ASAP1: variants seen among roughly 807,000 people sequenced by gnomAD.
The protein encoded by ASAP1 is arf-GAP with SH3 domain, ANK repeat and PH domain-containing protein 1.
ASAP1 carries 43 observed loss-of-function variants against 145.2 expected under a neutral mutation model. The observed-to-expected ratio is 0.30, with a 90% CI of 0.23 to 0.38. ASAP1 has a LOEUF of 0.38. Among genes scored for constraint, ASAP1 ranks in the 10% least tolerant of loss-of-function variants. The probability of loss-of-function intolerance (pLI) is 1.00; values close to 1 mark genes in which losing one functional copy is unlikely to be tolerated. For synonymous variants in ASAP1, 546 were observed against 515.5 expected, an observed-to-expected ratio of 1.06 and a Z score of -0.80; for missense variants, 1,018 against 1,355.3, an observed-to-expected ratio of 0.75 and a Z score of 3.91.
At chr8:130,145,431 C>T (rs2097626396) in intron 13 of ASAP1, among the ~76,000 whole-genome samples, 1 of 152,134 alleles carries the variant, frequency 6.6e-6, no homozygotes, top group South Asian at 2.1e-4. Flanking sequence ...GATTCTCCTG[C>T]CTCAGCCTCC....
intron 24 of ASAP1, among the ~76,000 whole-genome samples, chr8:130,105,007 T>C (rs1016433190): frequency 6.6e-6 from 1 of 152,200 alleles, no homozygotes; most frequent in East Asian, 1.9e-4. Context: ...TGGGACAATA[T>C]ACATGAAGAT....
At chr8:130,150,527 A>G (rs993288681) in intron 13 of ASAP1, among the ~76,000 whole-genome samples, 8 of 152,230 alleles carry the variant, frequency 5.3e-5, no homozygotes, top group Non-Finnish European at 1.2e-4. Context: ...GGACTGTTAC[A>G]GCCTCACAAA....
At chr8:130,440,702 A>G (rs2138844217) in intron 1 of ASAP1, among the ~76,000 whole-genome samples, 1 of 150,392 alleles carries the variant, frequency 6.6e-6, no homozygotes. Flanking sequence ...GCCTTCCCTC[A>G]CTCCTTGGAA....
At chr8:130,122,356 C>T (rs1209597744) in intron 18 of ASAP1, among the ~76,000 whole-genome samples, 1 of 152,176 alleles carries the variant, frequency 6.6e-6, no homozygotes, top group African/African-American at 2.4e-5. Context: ...ATTTGATCAA[C>T]AACTAAATGA....
intron 1 of ASAP1, among the ~76,000 whole-genome samples, chr8:130,404,378 T>C (rs1015529636): frequency 6.6e-6 from 1 of 152,186 alleles, no homozygotes; most frequent in East Asian, 1.9e-4. Context: ...TGAAGAACAA[T>C]GTTGGACTTC....
intron 2 of ASAP1, among the ~76,000 whole-genome samples, chr8:130,381,161 C>T (rs1827749512): frequency 6.6e-6 from 1 of 152,102 alleles, no homozygotes; most frequent in Non-Finnish European, 1.5e-5. Context: ...GTTGGGATTA[C>T]AGGGATGAGC....
intron 8 of ASAP1, among the ~76,000 whole-genome samples, chr8:130,180,031 G>C (rs775254769): frequency 6.7e-6 from 1 of 148,726 alleles, no homozygotes; most frequent in Non-Finnish European, 1.5e-5. Context: ...AGAAAGGAGA[G>C]GGAGGGAAGG....
At chr8:130,294,525 A>G (rs1822141457) in intron 3 of ASAP1, among the ~76,000 whole-genome samples, 1 of 152,240 alleles carries the variant, frequency 6.6e-6, no homozygotes, top group Non-Finnish European at 1.5e-5. Flanking sequence ...CTGCACCTAC[A>G]CAATGGGGAC....
At chr8:130,218,126 C>T (rs1049082587) in intron 4 of ASAP1, among the ~76,000 whole-genome samples, 1 of 151,878 alleles carries the variant, frequency 6.6e-6, no homozygotes, top group African/African-American at 2.4e-5. Flanking sequence ...GTTTCATCTC[C>T]CTCATGTGCT....
intron 5 of ASAP1, among the ~76,000 whole-genome samples, chr8:130,203,089 TA>T (rs1005173413): frequency 3.8e-4 from 57 of 148,518 alleles, no homozygotes; most frequent in African/African-American, 8.6e-4. Flanking sequence ...GAATTTGAAT[TA>T]AAAAAAAAAC....
At position 130,124,032 on chromosome 8, in the gene ASAP1, G is replaced by C; in HGVS notation, c.1588C>G (p.Pro530Ala). 6.2e-7 allele frequency: 1 copy of C among 1,608,888 alleles called. No homozygotes were observed. Among genetic ancestry groups the C allele is most frequent in the Admixed American group, 1.7e-5 (1 of 59,180 alleles). The change falls in exon 18 of 30, where the codon CCC becomes GCC. Residue 530 changes from proline (P) to alanine (A), a missense_variant. Pro to Ala is a conservative substitution (Grantham distance 27). Transcript: ENST00000518721. Reference sequence around the variant, plus strand: ...ACTTACATATCACTTGAAGGGGTGGGTTTTGGTGAGGGGCTGGGTAAATTT... The same window carrying C: ...ACTTACATATCACTTGAAGGGGTGGCTTTTGGTGAGGGGCTGGGTAAATTT... ...EANLPSPSPKPTPSSDMTVRK... is the reference protein window; with the variant it reads ...EANLPSPSPKATPSSDMTVRK...
chr8:130,162,832 A>AG (rs2097672316), intron 11 of ASAP1: 1 of 151,408 alleles, frequency 6.6e-6, no homozygotes, highest in Non-Finnish European at 1.5e-5. Context: ...AAAAAAAAAA[A>AG]CAAACAAAAT....
intron 3 of ASAP1, among the ~76,000 whole-genome samples, chr8:130,314,367 C>T (rs1823541172): frequency 6.6e-6 from 1 of 152,174 alleles, no homozygotes; most frequent in African/African-American, 2.4e-5. Flanking sequence ...CACTGAGCTC[C>T]TTTTATACAG....
chr8:130,354,157 T>C (rs546459545), intron 3 of ASAP1, among the ~76,000 whole-genome samples: 1 of 152,284 alleles, frequency 6.6e-6, no homozygotes, highest in South Asian at 2.1e-4. Flanking sequence ...CCCAAAGTGC[T>C]GGGATTACAG....
intron 24 of ASAP1, among the ~76,000 whole-genome samples, chr8:130,103,208 T>C (rs1027302803): frequency 4.7e-4 from 71 of 152,292 alleles, no homozygotes; most frequent in African/African-American, 1.5e-3. Flanking sequence ...CTATCATTAT[T>C]TATAATAGTC....
rs556009108 is a variant in ASAP1, at chr8:130,060,895, G to A, written c.2876C>T (p.Pro959Leu). The change falls in exon 28 of 30, where the codon CCA becomes CTA. Residue 959 changes from proline to leucine, a missense_variant. Transcript: ENST00000518721. ...KPQIGDLPPK[P>L]GELPPKPQLG... ...CTGTGGTTTGGGGGGCAGTTCTCCT[G>A]GCTTAGGCGGCAAATCTCCAATTTG... 1 of 1,613,148 alleles carries A rather than the reference G, an allele frequency of 6.2e-7. No homozygotes were observed. The highest frequency in any genetic ancestry group is 1.3e-5 in the African/African-American group (1 of 74,952).
chr8:130,160,013 CATCTTT>C (rs1373706148), intron 11 of ASAP1, 49 bp from the exon 12 acceptor site: 7 of 1,494,700 alleles, frequency 4.7e-6, no homozygotes, highest in Non-Finnish European at 5.6e-6. Context: ...ACAATTCTCC[CATCTTT>C]GATTCTATTC....
chr8:130,089,546 T>G (rs920028060), intron 25 of ASAP1, among the ~76,000 whole-genome samples: 1 of 152,114 alleles, frequency 6.6e-6, no homozygotes, highest in South Asian at 2.1e-4. Flanking sequence ...GAGAGGAAGG[T>G]TGCCTAGAAG....
At chr8:130,254,736 A>C (rs1819407779) in intron 3 of ASAP1, among the ~76,000 whole-genome samples, 1 of 152,144 alleles carries the variant, frequency 6.6e-6, no homozygotes, top group South Asian at 2.1e-4. Context: ...TCAATTTGTA[A>C]AGAGAAGTTA....
Sources: gnomAD v4.1 joint callset for allele counts (sites outside exome capture counted in the v4.1 genomes callset) on GRCh38, gnomAD v4.1.1 for gene constraint, MANE v1.5 for transcripts, NCBI Gene and HGNC (gene_info 2026-07-23, HGNC 2026-07-21) for gene names.